The following PAX7 variants were observed in gnomAD, a reference collection of about 807,000 sequenced individuals.
PAX7 encodes the protein paired box protein Pax-7.
Under a neutral mutation model 50.7 loss-of-function variants are expected in PAX7, and 18 were observed. That is an observed-to-expected ratio of 0.36 (90% CI 0.25 to 0.53). The LOEUF (loss-of-function observed/expected upper bound fraction) is 0.53. Ranked by LOEUF, PAX7 falls within the 20% of genes least tolerant of loss-of-function variation. PAX7 has a pLI of 0.93. For missense variants in PAX7, 644 were observed against 702.9 expected, an observed-to-expected ratio of 0.92 and a Z score of 0.95; for synonymous variants, 310 against 290.4, an observed-to-expected ratio of 1.07 and a Z score of -0.69.
chr1:18,739,343 T>A (rs1570249247), intron 8 of PAX7, among the ~76,000 whole-genome samples: 1 of 152,236 alleles, frequency 6.6e-6, no homozygotes, highest in Non-Finnish European at 1.5e-5. Context: ...CACATGCATG[T>A]GCATATGGAT....
chr1:18,662,872 C>T (rs2088619839), intron 4 of PAX7, among the ~76,000 whole-genome samples: 1 of 151,758 alleles, frequency 6.6e-6, no homozygotes, highest in Non-Finnish European at 1.5e-5. Flanking sequence ...CACACCCAGC[C>T]TGTAAGTTCT....
intron 4 of PAX7, among the ~76,000 whole-genome samples, chr1:18,643,269 C>T (rs2088286290): frequency 1.3e-5 from 2 of 152,144 alleles, no homozygotes; most frequent in South Asian, 2.1e-4. Context: ...GGCCGATTTC[C>T]CCAGTCTGAG....
At chr1:18,696,233 T>A (rs1421863512) in intron 5 of PAX7, among the ~76,000 whole-genome samples, 1 of 152,032 alleles carries the variant, frequency 6.6e-6, no homozygotes, top group African/African-American at 2.4e-5. Context: ...GCCTGGCTAA[T>A]TTTTTGTATT....
At chr1:18,686,908 T>TTTTA (rs55789008) in intron 4 of PAX7, among the ~76,000 whole-genome samples, 1 of 150,912 alleles carries the variant, frequency 6.6e-6, no homozygotes, top group South Asian at 2.1e-4. Context: ...TATTATTTTT[T>TTTTA]GAGACAGAGT....
chr1:18,671,886 A>G (rs888552285), intron 4 of PAX7, among the ~76,000 whole-genome samples: 29 of 152,050 alleles, frequency 1.9e-4, no homozygotes, highest in Non-Finnish European at 4.0e-4. Context: ...TCGAGGCAGG[A>G]GGATCACTTA....
At position 18,632,453 on chromosome 1, in the gene PAX7, G is replaced by C. The variant is rs778026328; in HGVS notation, c.85+765G>C. 6.6e-6 allele frequency among the ~76,000 whole-genome samples: 1 copy of C among 152,166 alleles called. No homozygotes were observed. Among genetic ancestry groups the C allele is most frequent in the Non-Finnish European group, 1.5e-5 (1 of 68,036 alleles). ...CCCGCCCGGGGAGACCCGATAGGAC[G>C]GGCGGCGGCGAACCGGGTCCTGGCT... is the stretch of plus-strand genomic sequence containing the variant. On this transcript the variant is annotated intron_variant, in intron 1 of 8. Transcript: ENST00000420770. This position sits in a 1 kb window ranked among gnomAD's most constrained non-coding sequence, Gnocchi z 6.3.
intron 4 of PAX7, among the ~76,000 whole-genome samples, chr1:18,640,011 G>A (rs1018436239): frequency 1.3e-5 from 2 of 150,778 alleles, no homozygotes; most frequent in African/African-American, 4.9e-5. Flanking sequence ...AATCCTGGGG[G>A]TGTCAAAGTC....
rs191625736 is a variant in PAX7, at chr1:18,657,283, G to A, written c.586+20912G>A. 5.4e-3 allele frequency among the ~76,000 whole-genome samples: 826 copies of A among 151,908 alleles called. 4 individuals are homozygous for A. Among genetic ancestry groups the A allele is most frequent in the Non-Finnish European group, 8.2e-3 (559 of 67,962 alleles). On this transcript the variant is annotated intron_variant, in intron 4 of 8. Transcript: ENST00000420770. The stretch of plus-strand genomic sequence containing the variant: ...GCTCCCAGGAGAGGGGCTGGGGATT[G>A]AAACTCCACCCCCAGCCTAAGGGTG...
rs1252234324 is a variant in PAX7 at position 18,711,884 on chromosome 1, G to GCCCT, written c.1155+8592_1155+8595dup. Among the ~76,000 whole-genome samples the GCCCT allele has an allele frequency of 2.0e-5, 3 of 152,240 alleles. No individual in the cohort carries two copies. In the South Asian group the frequency reaches 6.2e-4, roughly 32 times the overall value. ...AGCCGAATGACATTTTTCAGTGTCTGCCCTCCCCAACTGGCCTTCTGCACC... is the reference window on the plus strand; with the variant it reads ...AGCCGAATGACATTTTTCAGTGTCTGCCCTCCCTCCCCAACTGGCCTTCTGCACC... On this transcript the variant is annotated intron_variant, in intron 7 of 8. Transcript: ENST00000420770.
At chr1:18,666,217 A>G (rs956712943) in intron 4 of PAX7, among the ~76,000 whole-genome samples, 1 of 152,190 alleles carries the variant, frequency 6.6e-6, no homozygotes, top group Non-Finnish European at 1.5e-5. Flanking sequence ...GGCTGTGCCC[A>G]TCTAATTCAT....
intron 7 of PAX7, among the ~76,000 whole-genome samples, chr1:18,723,725 C>T (rs986464981): frequency 1.3e-5 from 2 of 152,192 alleles, no homozygotes; most frequent in Admixed American, 6.5e-5. Context: ...GGCGGGGGGA[C>T]CCAAATGCTT....
chr1:18,665,590 G>T (rs749860403), intron 4 of PAX7, among the ~76,000 whole-genome samples: 1 of 151,252 alleles, frequency 6.6e-6, no homozygotes, highest in Admixed American at 6.6e-5. Flanking sequence ...GGCCAGGATG[G>T]TCTCCATCTC....
intron 3 of PAX7, 90 bp downstream of exon 3, chr1:18,635,330 G>C: frequency 6.8e-7 from 1 of 1,462,408 alleles, no homozygotes. Flanking sequence ...GGGGAGAGGA[G>C]ATGATGGCTG....
chr1:18,645,050 T>C (rs749182768), intron 4 of PAX7, among the ~76,000 whole-genome samples: 23 of 152,196 alleles, frequency 1.5e-4, no homozygotes, highest in Non-Finnish European at 2.1e-4. Context: ...TATGTGTTTG[T>C]TGTGTGTTTA....
At position 18,691,787 on chromosome 1, in the gene PAX7, C is replaced by T. The variant is rs752360223; in HGVS notation, c.620C>T (p.Ser207Leu). 2.8e-5 allele frequency: 44 copies of T among 1,599,756 alleles called. No individual in the cohort carries two copies. In the Admixed American group the frequency reaches 2.9e-4, roughly 11 times the overall value. ...NRLDEGSDVE[S>L]EPDLPLKRKQ... is the part of the protein sequence containing the mutation. The stretch of plus-strand genomic sequence containing the variant: ...CTGGACGAGGGCTCGGATGTGGAGT[C>T]GGAACCTGACCTCCCACTGAAGCGC... The change falls in exon 5 of 9, where the codon TCG (serine) becomes TTG (leucine). Residue 207 changes from serine to leucine, a missense_variant. Ser to Leu is a moderately radical substitution (Grantham distance 145). Transcript: ENST00000420770.
chr1:18,714,301 G>A (rs2089391118), intron 7 of PAX7, among the ~76,000 whole-genome samples: 1 of 152,118 alleles, frequency 6.6e-6, no homozygotes, highest in Non-Finnish European at 1.5e-5. Flanking sequence ...AGTTATATGA[G>A]CGCTCAGAGC....
At chr1:18,721,477 C>T (rs531046088) in intron 7 of PAX7, among the ~76,000 whole-genome samples, 1 of 152,248 alleles carries the variant, frequency 6.6e-6, no homozygotes, top group South Asian at 2.1e-4. Flanking sequence ...GCAGACCCCT[C>T]CTCAAAGACA....
At chr1:18,651,798 A>ACCCCCCCCCCCCCCCCCCCCCCCCCCCCC (rs1557510007) in intron 4 of PAX7, among the ~76,000 whole-genome samples, 1 of 98,050 alleles carries the variant, frequency 1.0e-5, no homozygotes, top group Non-Finnish European at 2.1e-5. Context: ...TCACAGTGCC[A>ACCCCCCCCCCCCCCCCCCCCCCCCCCCCC]CCCCTCCCCC....
At chr1:18,712,038 C>A (rs1212274282) in intron 7 of PAX7, among the ~76,000 whole-genome samples, 1 of 152,210 alleles carries the variant, frequency 6.6e-6, no homozygotes, top group Non-Finnish European at 1.5e-5. Context: ...GCCCCCAATC[C>A]CCCAGGGCTT....
Sources: allele counts gnomAD v4.1 joint callset (sites outside exome capture counted in the v4.1 genomes callset), GRCh38; gene constraint gnomAD v4.1.1; non-coding constraint Gnocchi (gnomAD v3.1); transcripts MANE v1.5; gene names NCBI Gene and HGNC (gene_info 2026-07-23, HGNC 2026-07-21).